Variants in DNAH8 observed in about 807,000 individuals in gnomAD.
DNAH8 encodes the protein axonemal beta dynein heavy chain 8.
A neutral mutation model predicts 562.1 loss-of-function variants in DNAH8; 382 were observed. The ratio of observed to expected loss-of-function variants is 0.68; its 90% CI spans 0.63 to 0.74. The LOEUF is 0.74. Ranked by LOEUF, DNAH8 falls within the 30% of genes least tolerant of loss-of-function variation. The pLI is 0.00. For synonymous variants in DNAH8, 1,881 were observed against 1,919.4 expected, an observed-to-expected ratio of 0.98 and a Z score of 0.52; for missense variants, 5,203 against 5,620.4, an observed-to-expected ratio of 0.93 and a Z score of 2.37.
chr6:39,004,459 C>T (rs1423451317), intron 88 of DNAH8, among the ~76,000 whole-genome samples: 1 of 152,162 alleles, frequency 6.6e-6, no homozygotes, highest in Non-Finnish European at 1.5e-5. Context: ...AAGTATACTC[C>T]ACCATGAGGG....
chr6:38,814,000 T>G, intron 24 of DNAH8, 54 bp from the exon 25 acceptor site: 1 of 1,269,728 alleles, frequency 7.9e-7, no homozygotes, highest in Non-Finnish European at 1.1e-6. Flanking sequence ...CATAATAAAC[T>G]AACAATGAAA....
intron 57 of DNAH8, among the ~76,000 whole-genome samples, chr6:38,888,687 C>T (rs1300695267): frequency 6.6e-6 from 1 of 152,168 alleles, no homozygotes. Flanking sequence ...CCAAGCGATA[C>T]CATTTCATAC....
At chr6:38,842,037 A>G (rs1267065395) in intron 33 of DNAH8, among the ~76,000 whole-genome samples, 2 of 152,218 alleles carry the variant, frequency 1.3e-5, no homozygotes, top group Non-Finnish European at 2.9e-5. Flanking sequence ...TGACCTTATC[A>G]TTAAGTTTTG....
At chr6:38,735,614 A>T (rs1004755146) in intron 5 of DNAH8, among the ~76,000 whole-genome samples, 1 of 152,098 alleles carries the variant, frequency 6.6e-6, no homozygotes, top group Non-Finnish European at 1.5e-5. Context: ...TCTTCAACTT[A>T]TCCATGATTT....
intron 60 of DNAH8, among the ~76,000 whole-genome samples, chr6:38,896,676 T>G (rs1320953958): frequency 1.3e-5 from 2 of 152,098 alleles, no homozygotes; most frequent in African/African-American, 4.8e-5. Context: ...GAAATAACTA[T>G]CCTCTATACC....
intron 88 of DNAH8, among the ~76,000 whole-genome samples, chr6:39,002,822 C>T (rs1485214256): frequency 1.3e-5 from 2 of 152,146 alleles, no homozygotes; most frequent in Admixed American, 6.5e-5. Flanking sequence ...GATGGAGTTA[C>T]AAACACTTGC....
At chr6:38,914,832 A>G (rs1360989354) in intron 67 of DNAH8, among the ~76,000 whole-genome samples, 1 of 152,102 alleles carries the variant, frequency 6.6e-6, no homozygotes, top group Non-Finnish European at 1.5e-5. Context: ...CACTCAATAA[A>G]CATTAGCTTC....
intron 7 of DNAH8, among the ~76,000 whole-genome samples, chr6:38,739,743 G>A (rs993017972): frequency 1.4e-4 from 21 of 152,144 alleles, no homozygotes; most frequent in African/African-American, 4.8e-4. Flanking sequence ...CTTCCCCCTA[G>A]TGGTAACTAT....
chr6:39,026,642 A>T lies in DNAH8; in HGVS notation c.13811A>T (p.Lys4604Met). ...CACAATGAAGTTCTGAGACAGACCAAGGAGGAGATCACGTCACCCCCTGGG... is the reference window on the plus strand; with the variant it reads ...CACAATGAAGTTCTGAGACAGACCATGGAGGAGATCACGTCACCCCCTGGG... Reference protein sequence around the residue: ...TIHNEVLRQTKEEITSPPGEG... With the variant: ...TIHNEVLRQTMEEITSPPGEG... Residue 4604 changes from lysine to methionine, a missense_variant, in exon 92 of 93, where the codon AAG becomes ATG. Coordinates refer to ENST00000327475, the MANE Select transcript of DNAH8 (RefSeq NM_001206927.2). 1 of 1,613,730 alleles carries T rather than the reference A, an allele frequency of 6.2e-7. No homozygotes were observed. Among genetic ancestry groups the T allele is most frequent in the Non-Finnish European group, 8.5e-7 (1 of 1,180,006 alleles).
At chr6:38,885,849 T>C (rs1258569903) in intron 56 of DNAH8, among the ~76,000 whole-genome samples, 3 of 152,236 alleles carry the variant, frequency 2.0e-5, no homozygotes, top group Non-Finnish European at 4.4e-5. Context: ...TCTTAGAGTA[T>C]ACCATTTTAT....
intron 53 of DNAH8, among the ~76,000 whole-genome samples, chr6:38,876,894 G>A (rs931907009): frequency 2.0e-5 from 3 of 152,140 alleles, no homozygotes; most frequent in African/African-American, 4.8e-5. Flanking sequence ...TGTTTGAAAG[G>A]GACTGAGATA....
At chr6:38,767,409 C>T (rs1407403803) in intron 11 of DNAH8, among the ~76,000 whole-genome samples, 1 of 150,540 alleles carries the variant, frequency 6.6e-6, no homozygotes, top group Non-Finnish European at 1.5e-5. Context: ...TGCACTCCAG[C>T]CTGGGCAACA....
Position 38,723,029 on chromosome 6 carries a change from C to A in DNAH8, c.220C>A (p.Pro74Thr). The change falls in exon 2 of 93, where the codon CCA (proline) becomes ACA (threonine). Residue 74 changes from proline to threonine, a missense_variant. Pro to Thr is a conservative substitution (Grantham distance 38). Around this residue, in one of 6 missense-constraint regions of DNAH8, gnomAD observed 556 missense variants for 496.9 expected, o/e 1.12. Transcript: ENST00000327475. The stretch of plus-strand genomic sequence containing the variant: ...TCCTTCTGAAGAAGGGATAGTTCTT[C>A]CAGATGATCATGAAGCGGATCTGAA... ...LIPSEEGIVL[P>T]DDHEADLNRV... 6.2e-7 allele frequency: 1 copy of A among 1,612,878 alleles called. No homozygotes were observed. Among genetic ancestry groups the A allele is most frequent in the Non-Finnish European group, 8.5e-7 (1 of 1,179,896 alleles).
At chr6:38,757,377 T>C (rs1766022741) in intron 10 of DNAH8, among the ~76,000 whole-genome samples, 1 of 151,998 alleles carries the variant, frequency 6.6e-6, no homozygotes, top group African/African-American at 2.4e-5. Flanking sequence ...TGTTTGTTTT[T>C]TTCTTGTAAA....
intron 80 of DNAH8, among the ~76,000 whole-genome samples, chr6:38,948,446 C>G (rs967304005): frequency 6.6e-6 from 1 of 152,084 alleles, no homozygotes; most frequent in Non-Finnish European, 1.5e-5. Flanking sequence ...TCAAGTGATT[C>G]TCCTGCCTCA....
chr6:38,739,334 A>C (rs1764347864), intron 7 of DNAH8, among the ~76,000 whole-genome samples: 1 of 152,240 alleles, frequency 6.6e-6, no homozygotes, highest in Admixed American at 6.5e-5. Flanking sequence ...CCCAGTGACT[A>C]TAAATATAAA....
At chr6:39,019,684 A>C (rs1010544862) in intron 91 of DNAH8, among the ~76,000 whole-genome samples, 1 of 152,146 alleles carries the variant, frequency 6.6e-6, no homozygotes, top group Non-Finnish European at 1.5e-5. Context: ...AAATGAAGAA[A>C]AGGGATGGAG....
intron 14 of DNAH8, 120 bp downstream of exon 14, chr6:38,778,584 C>G (rs528556045): frequency 8.5e-6 from 5 of 585,234 alleles, no homozygotes; most frequent in Non-Finnish European, 1.5e-5. Flanking sequence ...AACTTACAAA[C>G]ATAAACTTTT....
At chr6:38,834,115 T>C (rs2150357631) in intron 31 of DNAH8, among the ~76,000 whole-genome samples, 1 of 152,314 alleles carries the variant, frequency 6.6e-6, no homozygotes, top group East Asian at 1.9e-4. Flanking sequence ...GAACAGTTAT[T>C]AAAAAGAGGA....
Sources: allele counts gnomAD v4.1 joint callset (sites outside exome capture counted in the v4.1 genomes callset), GRCh38; gene constraint gnomAD v4.1.1; regional missense constraint gnomAD v4.1.1; transcripts MANE v1.5; gene names NCBI Gene and HGNC (gene_info 2026-07-23, HGNC 2026-07-21).